The following PPIL6 variants were observed in gnomAD, a reference collection of about 807,000 sequenced individuals.
PPIL6 encodes peptidylprolyl isomerase like 6.
Under a neutral mutation model 36.8 loss-of-function variants are expected in PPIL6, and 39 were observed. The ratio of observed to expected loss-of-function variants is 1.06; its 90% CI spans 0.82 to 1.38. PPIL6 has a LOEUF of 1.38. Ranked by LOEUF, PPIL6 falls within the 40% of genes most tolerant of loss-of-function variation. The pLI is 0.00. For synonymous variants in PPIL6, 123 were observed against 134.1 expected (o/e 0.92, Z 0.57); for missense variants, 368 against 379.1 (o/e 0.97, Z 0.24).
intron 6 of PPIL6, among the ~76,000 whole-genome samples, chr6:109,404,618 T>C (rs1045951557): frequency 6.6e-6 from 1 of 152,244 alleles, no homozygotes; most frequent in African/African-American, 2.4e-5. Flanking sequence ...CCTAGCACCA[T>C]GTGAGCACCT....
At chr6:109,428,956 TTA>T (rs572008438) in intron 3 of PPIL6, among the ~76,000 whole-genome samples, 95 of 152,290 alleles carry the variant, frequency 6.2e-4, no homozygotes, top group African/African-American at 2.0e-3. Context: ...GATATTATCT[TTA>T]TGAGATAGTC....
Position 109,392,692 on chromosome 6 carries a change from G to T in PPIL6, c.*134C>A. On this transcript the variant is annotated 3_prime_UTR_variant, in exon 8 of 8. Transcript: ENST00000521072. Reference sequence around the variant, plus strand: ...AGGAAAGGAAGATGGGGAGGGATTGGGTGTAGATGAGGCAACCTACAGTGT... The same window carrying T: ...AGGAAAGGAAGATGGGGAGGGATTGTGTGTAGATGAGGCAACCTACAGTGT... 1 of 594,292 alleles carries T rather than the reference G, an allele frequency of 1.7e-6. No individual in the cohort carries two copies. 36.8% of individuals were successfully genotyped at this position (594,292 alleles called of 1,614,324 possible). A position where few individuals can be genotyped will look rare whatever the true frequency, so the allele number is the denominator to read the frequency against.
At chr6:109,399,120 T>C (rs1392074398) in intron 7 of PPIL6, among the ~76,000 whole-genome samples, 1 of 151,832 alleles carries the variant, frequency 6.6e-6, no homozygotes, top group African/African-American at 2.4e-5. Context: ...ATTTATTTAT[T>C]TATTTAAGAC....
At chr6:109,435,467 T>G (rs1488075449) in intron 2 of PPIL6, among the ~76,000 whole-genome samples, 1 of 151,998 alleles carries the variant, frequency 6.6e-6, no homozygotes, top group Non-Finnish European at 1.5e-5. Context: ...CCAGCTAATT[T>G]TTGTATTTTT....
intron 7 of PPIL6, among the ~76,000 whole-genome samples, chr6:109,395,659 C>G (rs1374697801): frequency 2.1e-5 from 3 of 145,568 alleles, no homozygotes; most frequent in African/African-American, 7.6e-5. Flanking sequence ...GGCTGGAGTA[C>G]AGTGGCGCAA....
intron 6 of PPIL6, among the ~76,000 whole-genome samples, chr6:109,404,499 A>G (rs1386515994): frequency 6.6e-6 from 1 of 152,232 alleles, no homozygotes; most frequent in African/African-American, 2.4e-5. Context: ...CCTCTCTAAC[A>G]GCAACTGGCA....
Position 109,396,781 on chromosome 6 carries a change from GCT to G in PPIL6, c.824+3252_824+3253del, listed in dbSNP as rs532573139. ...CCTATGAGCCCACTGGGCCAGCCAT[GCT>G]CTGTGGATTGCTACAGTCTTTCCTG... On this transcript the variant is annotated intron_variant, in intron 7 of 7. Transcript: ENST00000521072. Among the ~76,000 whole-genome samples, 3 of 152,184 alleles carry G rather than the reference GCT, an allele frequency of 2.0e-5. No homozygotes were observed. The South Asian group carries it at 6.2e-4, about 32-fold the overall frequency.
At chr6:109,414,742 A>T (rs897531961) in intron 6 of PPIL6, among the ~76,000 whole-genome samples, 1 of 152,042 alleles carries the variant, frequency 6.6e-6, no homozygotes, top group Non-Finnish European at 1.5e-5. Flanking sequence ...TTTGATCTAC[A>T]GTTGACCCTT....
chr6:109,405,241 C>T (rs1772749295), intron 6 of PPIL6, among the ~76,000 whole-genome samples: 1 of 152,128 alleles, frequency 6.6e-6, no homozygotes, highest in African/African-American at 2.4e-5. Flanking sequence ...CTCTCTCACC[C>T]AAAAGGAATC....
At chr6:109,414,470 CTTTTAGCTTTT>C (rs1365563744) in intron 6 of PPIL6, among the ~76,000 whole-genome samples, 42 of 123,976 alleles carry the variant, frequency 3.4e-4, no homozygotes, top group African/African-American at 1.2e-3. Context: ...TTCTTAATGT[CTTTTAGCTTTT>C]TTTTTTTTTT....
intron 6 of PPIL6, among the ~76,000 whole-genome samples, chr6:109,411,781 C>T (rs1003259579): frequency 5.9e-5 from 9 of 152,236 alleles, no homozygotes; most frequent in Admixed American, 5.9e-4. Context: ...AAGTGTCCTG[C>T]CTGTGGGCCC....
chr6:109,391,993 T>C lies in PPIL6; in HGVS notation c.*833A>G, dbSNP rs1183202090. ...ATTCTATTACAAATGTCTTAGGCTA[T>C]CAGGTGTGTTGCTAAATTAAGAATT... On this transcript the variant is annotated 3_prime_UTR_variant, in exon 8 of 8. Transcript: ENST00000521072. 6.6e-6 allele frequency: 1 copy of C among 152,202 alleles called. No individual in the cohort carries two copies. The highest frequency in any genetic ancestry group is 1.9e-4 in the East Asian group (1 of 5,200). 9.4% of individuals were successfully genotyped at this position (152,202 alleles called of 1,614,324 possible).
upstream of PPIL6, chr6:109,440,695 C>G (rs1371569095): frequency 1.2e-6 from 1 of 834,488 alleles, no homozygotes; most frequent in Non-Finnish European, 1.5e-6. Flanking sequence ...AGGGGCGGGT[C>G]GAGGGCGGCC....
At chr6:109,439,034 G>T (rs1774625318) in intron 1 of PPIL6, among the ~76,000 whole-genome samples, 1 of 152,170 alleles carries the variant, frequency 6.6e-6, no homozygotes, top group Non-Finnish European at 1.5e-5. Context: ...ACAGGAAAAA[G>T]CTAAACAGGT....
chr6:109,428,820 T>C (rs577448903), intron 3 of PPIL6, among the ~76,000 whole-genome samples: 1 of 152,186 alleles, frequency 6.6e-6, no homozygotes, highest in Admixed American at 6.5e-5. Context: ...AACTAAAGAA[T>C]AGGAGGCATA....
rs368741385 is a variant in PPIL6, at chr6:109,404,198, C to T, written c.689-4028G>A. Among the ~76,000 whole-genome samples the T allele has an allele frequency of 7.2e-5, 11 of 152,258 alleles. No individual in the cohort carries two copies. The East Asian group carries it at 1.3e-3, about 19-fold the overall frequency. ...GGGTGAGGGATAATCAGCAGAGACT[C>T]AGGGGTGTCTAGGAGGTCAGGCAAG... is the stretch of plus-strand genomic sequence containing the variant. On this transcript the variant is annotated intron_variant, in intron 6 of 7. Transcript: ENST00000521072.
rs997976255 is a variant in PPIL6, at chr6:109,390,343, C to T, written c.*2483G>A. ...CACAGCAATCTTATGTGGTAGGTAC[C>T]ACTGTTTCTCAGATGAAGGAATTGA... On this transcript the variant is annotated 3_prime_UTR_variant, in exon 8 of 8. Coordinates refer to ENST00000521072, the MANE Select transcript of PPIL6 (RefSeq NM_173672.5). The T allele has an allele frequency of 2.6e-5, 4 of 152,232 alleles. No individual in the cohort carries two copies. The highest frequency in any genetic ancestry group is 1.3e-4 in the Admixed American group (2 of 15,296). 9.4% of individuals were successfully genotyped at this position (152,232 alleles called of 1,614,324 possible).
At chr6:109,403,134 AT>A (rs749787594) in intron 6 of PPIL6, 5 of 1,434,348 alleles carry the variant, frequency 3.5e-6, no homozygotes, top group East Asian at 2.5e-5. Flanking sequence ...TATAATTTAA[AT>A]TTAAATTAAA....
chr6:109,436,620 C>G (rs1192750788), intron 1 of PPIL6, among the ~76,000 whole-genome samples: 1 of 152,150 alleles, frequency 6.6e-6, no homozygotes, highest in Non-Finnish European at 1.5e-5. Flanking sequence ...ACTTGGGAGG[C>G]TGAGGCAAGA....
Sources: gnomAD v4.1 joint callset for allele counts (sites outside exome capture counted in the v4.1 genomes callset) on GRCh38, gnomAD v4.1.1 for gene constraint, MANE v1.5 for transcripts, NCBI Gene and HGNC (gene_info 2026-07-23, HGNC 2026-07-21) for gene names.